Variants in TRIM16 observed in about 807,000 individuals in gnomAD.
The protein encoded by TRIM16 is tripartite motif-containing protein 16.
A neutral mutation model predicts 50.4 loss-of-function variants in TRIM16; 33 were observed. That is an observed-to-expected ratio of 0.65 (90% confidence interval 0.50 to 0.88). The LOEUF (loss-of-function observed/expected upper bound fraction) is 0.88. TRIM16 is among the 40% of genes least tolerant of loss of function. TRIM16 has a pLI of 0.00. For missense variants in TRIM16, 581 were observed against 686.8 expected (o/e 0.85, Z 1.72); for synonymous variants, 229 against 270.7 (o/e 0.85, Z 1.51).
intron 6 of TRIM16, among the ~76,000 whole-genome samples, chr17:15,656,627 C>T (rs1987994025): frequency 6.6e-6 from 1 of 152,156 alleles, no homozygotes; most frequent in African/African-American, 2.4e-5. Flanking sequence ...TACAGCCTCC[C>T]AGTCATTCCC....
intron 7 of TRIM16, among the ~76,000 whole-genome samples, chr17:15,649,556 G>A (rs1987583355): frequency 6.6e-6 from 1 of 152,164 alleles, no homozygotes. Context: ...AAAGTGCTGG[G>A]ATTACAGGTG....
chr17:15,675,785 G>A (rs1597673096), intron 6 of TRIM16: 5 of 152,108 alleles, frequency 3.3e-5, no homozygotes, highest in South Asian at 2.1e-4. Context: ...ATACACATAC[G>A]TATATATACA....
chr17:15,679,936 CA>C (rs56845789), intron 4 of TRIM16, among the ~76,000 whole-genome samples: 35,791 of 128,216 alleles, frequency 0.28, 5,506 homozygotes, highest in African/African-American at 0.49. Context: ...GACTATGTCT[CA>C]AAAAAAAAAA....
rs147351668 is a variant in TRIM16 at position 15,664,657 on chromosome 17, G to A, written c.-338+12519C>T. Among the ~76,000 whole-genome samples the A allele has an allele frequency of 9.9e-4, 151 of 152,254 alleles. 1 individual carries two copies. The highest frequency in any genetic ancestry group is 3.4e-3 in the African/African-American group (142 of 41,548). On this transcript the variant is annotated intron_variant, in intron 6 of 11. Coordinates refer to ENST00000649191, the MANE Select transcript of TRIM16 (RefSeq NM_001348119.1). ...GACAGACTACGTCCTAGGAAAATGC[G>A]CCTCGGGGAGGCTTCCTGAGTGAAG... is the stretch of plus-strand genomic sequence containing the variant.
At chr17:15,668,547 TC>T (rs918513040) in intron 6 of TRIM16, among the ~76,000 whole-genome samples, 3 of 152,094 alleles carry the variant, frequency 2.0e-5, no homozygotes, top group African/African-American at 7.2e-5. Flanking sequence ...CCAGCGTCAT[TC>T]CCCCTCTTCC....
chr17:15,666,749 T>C (rs1296963365), intron 6 of TRIM16, among the ~76,000 whole-genome samples: 1 of 152,256 alleles, frequency 6.6e-6, no homozygotes, highest in Non-Finnish European at 1.5e-5. Context: ...CAGTAGCCTG[T>C]TGTTTTCACT....
rs1452197314 is a variant in TRIM16, at chr17:15,642,956, G to A, written c.520-140C>T. ...CTGTGGCTGATCTCAGAAACCAGCC[G>A]GGAGGCACGAAGGGTTGGCGGTGAG... On this transcript the variant is annotated intron_variant, in intron 7 of 11. Transcript: ENST00000649191. The A allele has an allele frequency of 8.7e-5, 39 of 450,246 alleles. 1 individual carries two copies. The East Asian group carries it at 1.2e-3, about 14-fold the overall frequency. 27.9% of individuals were successfully genotyped at this position (450,246 alleles called of 1,614,324 possible). A position where few individuals can be genotyped will look rare whatever the true frequency, so the allele number is the denominator to read the frequency against.
At chr17:15,630,972 G>A (rs1366088568) in intron 11 of TRIM16, among the ~76,000 whole-genome samples, 4 of 152,180 alleles carry the variant, frequency 2.6e-5, no homozygotes, top group East Asian at 3.8e-4. Context: ...TCAACAATAC[G>A]AGGGATTGGT....
At chr17:15,637,238 C>T (rs1986828604) in intron 8 of TRIM16, among the ~76,000 whole-genome samples, 1 of 139,528 alleles carries the variant, frequency 7.2e-6, no homozygotes, top group Non-Finnish European at 1.6e-5. Flanking sequence ...AGCCCCCCGC[C>T]CGGCCAGCCG....
rs1413828729 is a variant in TRIM16 at position 15,631,706 on chromosome 17, C to A, written c.1024G>T (p.Asp342Tyr). 6.2e-7 allele frequency: 1 copy of A among 1,613,934 alleles called. No individual in the cohort carries two copies. Among genetic ancestry groups the A allele is most frequent in the Non-Finnish European group, 8.5e-7 (1 of 1,179,856 alleles). The change falls in exon 11 of 12, where the codon GAC becomes TAC. Residue 342 changes from aspartate to tyrosine, a missense_variant. This residue lies in a region of TRIM16 where 450 missense variants were observed against 544.3 expected (regional missense o/e 0.83). Coordinates refer to ENST00000649191, the MANE Select transcript of TRIM16 (RefSeq NM_001348119.1). ...LQEFSKEEEY[D>Y]IRTQVSAVVQ... is the part of the protein sequence containing the mutation. ...ACGGCAGACACTTGAGTTCTGATGTCATACTCCTCTAGAAAATCAAGAGAG... is the reference window on the plus strand; with the variant it reads ...ACGGCAGACACTTGAGTTCTGATGTAATACTCCTCTAGAAAATCAAGAGAG...
rs558337045 is a variant in TRIM16 at position 15,659,818 on chromosome 17, A to G, written c.-337-7872T>C. On this transcript the variant is annotated intron_variant, in intron 6 of 11. Coordinates refer to ENST00000649191, the MANE Select transcript of TRIM16 (RefSeq NM_001348119.1). ...GGCAGCTGTCCAGCTCCCAGTCAAA[A>G]TGGGCACCTCTAATCTTGCTATTTG... is the stretch of plus-strand genomic sequence containing the variant. 2.0e-5 allele frequency among the ~76,000 whole-genome samples: 3 copies of G among 152,308 alleles called. No individual in the cohort carries two copies. In the South Asian group the frequency reaches 6.2e-4, roughly 32 times the overall value.
At chr17:15,663,868 TCAGCCC>T (rs1302836859) in intron 6 of TRIM16, among the ~76,000 whole-genome samples, 6 of 152,182 alleles carry the variant, frequency 3.9e-5, no homozygotes, top group African/African-American at 1.4e-4. Context: ...AGTGCTGTCA[TCAGCCC>T]AGGATGCAGT....
rs575466055 is a variant in TRIM16 at position 15,676,542 on chromosome 17, T to A, written c.-338+634A>T. On this transcript the variant is annotated intron_variant, in intron 6 of 11. Transcript: ENST00000649191. ...CCCCACCTCCTGGGGTTCACGCCAT[T>A]CTCCTGCCTCAACCTCCCAAGTAGC... Among the ~76,000 whole-genome samples the A allele has an allele frequency of 1.5e-4, 23 of 151,778 alleles. No homozygotes were observed. The South Asian group carries it at 3.1e-3, about 21-fold the overall frequency.
chr17:15,642,487 T>A (rs2150909334), intron 8 of TRIM16, among the ~76,000 whole-genome samples: 1 of 148,818 alleles, frequency 6.7e-6, no homozygotes, highest in South Asian at 2.2e-4. Flanking sequence ...TATTACAGGA[T>A]TAGTCTTGGT....
At chr17:15,655,962 C>T (rs961302195) in intron 6 of TRIM16, among the ~76,000 whole-genome samples, 1 of 152,300 alleles carries the variant, frequency 6.6e-6, no homozygotes, top group African/African-American at 2.4e-5. Flanking sequence ...TAGTTTGGCC[C>T]TCTGAGGAAT....
intron 3 of TRIM16, 29 bp from the exon 4 acceptor site, chr17:15,680,982 G>C (rs1334058791): frequency 7.0e-7 from 1 of 1,425,818 alleles, no homozygotes; most frequent in Non-Finnish European, 9.4e-7. Flanking sequence ...AAAGGAACCT[G>C]GTTTATCTTT....
At chr17:15,652,321 T>TC (rs1191016215) in intron 6 of TRIM16, among the ~76,000 whole-genome samples, 5 of 137,020 alleles carry the variant, frequency 3.6e-5, no homozygotes, top group African/African-American at 1.6e-4. Flanking sequence ...CTAATTTCTT[T>TC]TTTTTTTTTT....
intron 6 of TRIM16, among the ~76,000 whole-genome samples, chr17:15,656,972 C>T (rs1331571944): frequency 6.6e-6 from 1 of 152,020 alleles, no homozygotes; most frequent in Non-Finnish European, 1.5e-5. Context: ...CACTATGTTG[C>T]CCAGGTGAGT....
At chr17:15,637,177 T>G (rs1221231173) in intron 8 of TRIM16, among the ~76,000 whole-genome samples, 3 of 84,042 alleles carry the variant, frequency 3.6e-5, no homozygotes, top group African/African-American at 1.4e-4. Context: ...GGTGGGGGGG[T>G]CAGCCCCCCG....
Sources: allele counts gnomAD v4.1 joint callset (sites outside exome capture counted in the v4.1 genomes callset), GRCh38; gene constraint gnomAD v4.1.1; regional missense constraint gnomAD v4.1.1; transcripts MANE v1.5; gene names NCBI Gene and HGNC (gene_info 2026-07-23, HGNC 2026-07-21).